The following TRARG1 variants were observed in gnomAD, a reference collection of about 807,000 sequenced individuals.
TRARG1 encodes trafficking regulator of GLUT4 (SLC2A4) 1 (gene/pseudogene), also known as trafficking regulator of GLUT4 1.
Under a neutral mutation model 13.3 loss-of-function variants are expected in TRARG1, and 16 were observed. That is an observed-to-expected ratio of 1.20 (90% CI 0.81 to 1.83). TRARG1 has a LOEUF of 1.83. TRARG1 is among the 40% of genes most tolerant of loss of function. TRARG1 has a pLI of 0.00. For missense variants in TRARG1, 250 were observed against 237.4 expected (o/e 1.05, Z -0.35); for synonymous variants, 113 against 106.2 (o/e 1.06, Z -0.39).
intron 1 of TRARG1, among the ~76,000 whole-genome samples, chr17:1,280,600 T>C (rs1169049805): frequency 6.6e-6 from 1 of 152,160 alleles, no homozygotes; most frequent in Non-Finnish European, 1.5e-5. Flanking sequence ...CTCTCATCTC[T>C]GCTTCTGGGC....
chr17:1,298,647 A>C lies in TRARG1; in HGVS notation c.*383A>C, dbSNP rs2072130140. 1.6e-5 allele frequency: 4 copies of C among 244,834 alleles called. 1 individual carries two copies. The South Asian group carries it at 5.6e-4, about 34-fold the overall frequency. The allele number at this position is 244,834 out of a possible 1,614,324, so 15.2% of individuals were successfully genotyped here. A position where few individuals can be genotyped will look rare whatever the true frequency, so the allele number is the denominator to read the frequency against. The stretch of plus-strand genomic sequence containing the variant: ...ACGAGACACACGCTGGCGGGGAGAG[A>C]CGCAGCAGAGCTCCTTCCTGTCTGT... On this transcript the variant is annotated 3_prime_UTR_variant, in exon 3 of 3. Coordinates refer to ENST00000333813, the MANE Select transcript of TRARG1 (RefSeq NM_172367.3).
At chr17:1,282,031 TATATAC>T (rs1567927889) in intron 1 of TRARG1, among the ~76,000 whole-genome samples, 2 of 137,544 alleles carry the variant, frequency 1.5e-5, no homozygotes, top group Non-Finnish European at 3.2e-5. Flanking sequence ...CATATGTACA[TATATAC>T]ACACATATGT....
chr17:1,282,090 A>G (rs1000133556), intron 1 of TRARG1, among the ~76,000 whole-genome samples: 6 of 149,976 alleles, frequency 4.0e-5, no homozygotes, highest in African/African-American at 1.2e-4. Flanking sequence ...ATATGTACAT[A>G]TATACGTATA....
chr17:1,297,892 G>C (rs1234922164), intron 2 of TRARG1, among the ~76,000 whole-genome samples: 1 of 152,156 alleles, frequency 6.6e-6, no homozygotes, highest in Non-Finnish European at 1.5e-5. Context: ...GGCGTGAGCT[G>C]CCGCAGCCGA....
At chr17:1,297,336 G>A (rs2072119149) in intron 2 of TRARG1, among the ~76,000 whole-genome samples, 1 of 152,118 alleles carries the variant, frequency 6.6e-6, no homozygotes. Flanking sequence ...TTCAGCTGTG[G>A]GGCCGCCAGC....
At chr17:1,293,294 A>T (rs2072086057) in intron 1 of TRARG1, among the ~76,000 whole-genome samples, 1 of 151,370 alleles carries the variant, frequency 6.6e-6, no homozygotes, top group South Asian at 2.1e-4. Context: ...AAAAAAAAAA[A>T]AAAAAAAAAG....
At chr17:1,282,285 C>CATATATGTACGTATGTGTACATATGCGT (rs2071987283) in intron 1 of TRARG1, among the ~76,000 whole-genome samples, 16 of 136,848 alleles carry the variant, frequency 1.2e-4, no homozygotes, top group Admixed American at 9.3e-4. Flanking sequence ...CGTATATGTA[C>CATATATGTACGTATGTGTACATATGCGT]ATATATGTAC....
At chr17:1,284,249 T>C (rs537780142) in intron 1 of TRARG1, among the ~76,000 whole-genome samples, 2 of 152,352 alleles carry the variant, frequency 1.3e-5, no homozygotes, top group African/African-American at 2.4e-5. Context: ...GATCTGCCTA[T>C]TCTGGACATG....
intron 1 of TRARG1, among the ~76,000 whole-genome samples, chr17:1,290,944 G>A (rs12951990): frequency 0.24 from 34,873 of 148,234 alleles, 4,356 homozygotes; most frequent in East Asian, 0.41. Context: ...TCGTTGTTGT[G>A]GCCCAGGCTG....
chr17:1,282,088 A>G (rs904461154), intron 1 of TRARG1, among the ~76,000 whole-genome samples: 5 of 149,846 alleles, frequency 3.3e-5, no homozygotes, highest in Non-Finnish European at 7.4e-5. Context: ...ATATATGTAC[A>G]TATATACGTA....
At chr17:1,296,311 CT>C (rs1183062520) in intron 2 of TRARG1, among the ~76,000 whole-genome samples, 2 of 151,954 alleles carry the variant, frequency 1.3e-5, no homozygotes, top group African/African-American at 4.8e-5. Context: ...ATTCTCCTGC[CT>C]CAGCCTCCTG....
chr17:1,295,387 C>T (rs2150812214), intron 1 of TRARG1, 104 bp from the exon 2 acceptor site: 1 of 1,416,030 alleles, frequency 7.1e-7, no homozygotes, highest in East Asian at 2.4e-5. Context: ...CGGGATGTGT[C>T]TGGAGGCCCA....
chr17:1,282,632 G>C (rs1431266421), intron 1 of TRARG1, among the ~76,000 whole-genome samples: 2 of 151,856 alleles, frequency 1.3e-5, no homozygotes, highest in Non-Finnish European at 2.9e-5. Context: ...GCCTCCGAAA[G>C]GGCTGGGATT....
chr17:1,293,183 C>T (rs113312288), intron 1 of TRARG1, among the ~76,000 whole-genome samples: 32,171 of 147,486 alleles, frequency 0.22, 3,574 homozygotes, highest in Admixed American at 0.29. Context: ...ACTTGGGAGG[C>T]TGGGGTAGGA....
At chr17:1,289,383 T>A (rs1216806580) in intron 1 of TRARG1, among the ~76,000 whole-genome samples, 23 of 7,370 alleles carry the variant, frequency 3.1e-3, no homozygotes, top group Non-Finnish European at 4.6e-3. Flanking sequence ...CATCCCCCAC[T>A]GGTTCCCCAT....
rs112028002 is a variant in TRARG1 at position 1,293,629 on chromosome 17, C to T, written c.388-1862C>T. 8.7e-3 allele frequency among the ~76,000 whole-genome samples: 1,275 copies of T among 146,034 alleles called. 157 individuals are homozygous for T. The highest frequency in any genetic ancestry group is 0.033 in the African/African-American group (1,208 of 36,210). On this transcript the variant is annotated intron_variant, in intron 1 of 2. Coordinates refer to ENST00000333813, the MANE Select transcript of TRARG1 (RefSeq NM_172367.3). Reference sequence around the variant, plus strand: ...TGTCGTGGGTTGTGTTTGATGATGTCGCAGGTTGGGTTTGATGATGTCATG... The same window carrying T: ...TGTCGTGGGTTGTGTTTGATGATGTTGCAGGTTGGGTTTGATGATGTCATG...
In TRARG1 at chr17:1,294,468, C is replaced by CTTT. The variant is rs542504095; in HGVS notation, c.388-1006_388-1004dup. ...GAAATGGAGGCTGTGAAGACAGTGT[C>CTTT]TTTTTTTTTTTTTTTTTTTGAGGCA... On this transcript the variant is annotated intron_variant, in intron 1 of 2. Coordinates refer to ENST00000333813, the MANE Select transcript of TRARG1 (RefSeq NM_172367.3). 6.5e-4 allele frequency among the ~76,000 whole-genome samples: 74 copies of CTTT among 113,434 alleles called. 4 individuals carry two copies. The highest frequency in any genetic ancestry group is 2.4e-3 in the African/African-American group (66 of 27,804). 74.4% of individuals were successfully genotyped at this position (113,434 alleles called of 152,430 possible).
intron 2 of TRARG1, among the ~76,000 whole-genome samples, chr17:1,296,437 C>G (rs1158696875): frequency 6.6e-6 from 1 of 151,662 alleles, no homozygotes; most frequent in African/African-American, 2.4e-5. Flanking sequence ...TCAGGTTATC[C>G]ACCCACCTTG....
chr17:1,286,265 G>T (rs535903491), intron 1 of TRARG1, among the ~76,000 whole-genome samples: 66 of 152,368 alleles, frequency 4.3e-4, no homozygotes, highest in African/African-American at 1.6e-3. Context: ...GCAGCAGGGA[G>T]GGGAGGTGAC....
Sources: gnomAD v4.1 joint callset for allele counts (sites outside exome capture counted in the v4.1 genomes callset) on GRCh38, gnomAD v4.1.1 for gene constraint, MANE v1.5 for transcripts, NCBI Gene and HGNC (gene_info 2026-07-23, HGNC 2026-07-21) for gene names.